The following CR1 variants were observed in gnomAD, a reference collection of about 807,000 sequenced individuals.
The protein encoded by CR1 is complement C3b/C4b receptor 1 (Knops blood group).
Under a neutral mutation model 187.3 loss-of-function variants are expected in CR1, and 116 were observed. The observed-to-expected ratio is 0.62, with a 90% CI of 0.53 to 0.72. The LOEUF (loss-of-function observed/expected upper bound fraction) is 0.72. Ranked by LOEUF, CR1 falls within the 30% of genes least tolerant of loss-of-function variation. CR1 has a pLI of 0.00. For synonymous variants in CR1, 576 were observed against 747.1 expected, an observed-to-expected ratio of 0.77 and a Z score of 3.73; for missense variants, 1,731 against 2,110.7, an observed-to-expected ratio of 0.82 and a Z score of 3.52.
In CR1 at chr1:207,577,957, T is replaced by C. The variant is rs1262658729; in HGVS notation, c.4690T>C (p.Tyr1564His). 2 of 1,611,920 alleles carry C rather than the reference T, an allele frequency of 1.2e-6. No individual in the cohort carries two copies. Among genetic ancestry groups the C allele is most frequent in the East Asian group, 2.2e-5 (1 of 44,884 alleles). Reference protein sequence around the residue: ...VFELVGEPSIYCTSNDDQVGI... With the variant: ...VFELVGEPSIHCTSNDDQVGI... ...TGAGCTTGTGGGTGAGCCCTCCATA[T>C]ACTGCACCAGCAATGACGATCAAGT... The change falls in exon 29 of 47, where the codon TAC becomes CAC. Residue 1564 changes from tyrosine to histidine, a missense_variant. By Grantham distance (83) the Tyr-to-His change is moderately conservative (BLOSUM62 2). Coordinates refer to ENST00000367049, the MANE Select transcript of CR1 (RefSeq NM_000651.6).
chr1:207,585,848 C>T (rs1167158281), intron 33 of CR1, among the ~76,000 whole-genome samples: 2 of 152,044 alleles, frequency 1.3e-5, no homozygotes, highest in African/African-American at 4.8e-5. Context: ...TGAAAATATG[C>T]AGCACATGGC....
intron 35 of CR1, among the ~76,000 whole-genome samples, chr1:207,596,751 A>T (rs1661455855): frequency 6.7e-6 from 1 of 149,064 alleles, no homozygotes. Context: ...TATTGCAAGT[A>T]CGGTACAAAG....
chr1:207,617,483 GTATA>G (rs767996719), intron 41 of CR1, among the ~76,000 whole-genome samples: 1,171 of 41,756 alleles, frequency 0.028, 101 homozygotes, highest in Non-Finnish European at 0.048. Context: ...AGAACTTAAA[GTATA>G]TATATATATA....
chr1:207,589,883 C>T, intron 35 of CR1, among the ~76,000 whole-genome samples: 1 of 152,036 alleles, frequency 6.6e-6, no homozygotes, highest in Non-Finnish European at 1.5e-5. Flanking sequence ...TGAAGATCAA[C>T]TTAATGAAAT....
chr1:207,616,849 G>A (rs1662115364), intron 41 of CR1, 47 bp downstream of exon 41: 1 of 1,591,860 alleles, frequency 6.3e-7, no homozygotes, highest in Admixed American at 1.8e-5. Flanking sequence ...GAATATCTAG[G>A]TAAGAACCTC....
At chr1:207,620,428 A>C (rs1284608112) in intron 43 of CR1, among the ~76,000 whole-genome samples, 1 of 152,172 alleles carries the variant, frequency 6.6e-6, no homozygotes, top group Admixed American at 6.5e-5. Flanking sequence ...ACTGGAGGGG[A>C]CAGGATTTTA....
At chr1:207,601,799 T>A (rs1558259939) in intron 35 of CR1, among the ~76,000 whole-genome samples, 2 of 152,148 alleles carry the variant, frequency 1.3e-5, no homozygotes. Context: ...GAGTCCTTTA[T>A]ATGTTCTAAG....
chr1:207,515,545 C>A (rs751409357), intron 4 of CR1, among the ~76,000 whole-genome samples: 2 of 152,014 alleles, frequency 1.3e-5, no homozygotes, highest in African/African-American at 2.4e-5. Flanking sequence ...TTAAAGGAAT[C>A]AAAAAATAGA....
At chr1:207,575,169 A>G (rs1270292264) in intron 27 of CR1, among the ~76,000 whole-genome samples, 1 of 151,796 alleles carries the variant, frequency 6.6e-6, no homozygotes, top group Non-Finnish European at 1.5e-5. Context: ...GTATTTATAA[A>G]AAACATGTCT....
chr1:207,623,276 T>C (rs1197955444), intron 45 of CR1, among the ~76,000 whole-genome samples: 1 of 16,520 alleles, frequency 6.1e-5, no homozygotes, highest in African/African-American at 3.1e-4. Context: ...AAAATAATAA[T>C]AATAACAAAA....
chr1:207,584,309 A>G (rs2102348695), intron 32 of CR1, among the ~76,000 whole-genome samples: 1 of 152,330 alleles, frequency 6.6e-6, no homozygotes, highest in Non-Finnish European at 1.5e-5. Context: ...ATTCAAAAAC[A>G]TGCTTGTTGA....
intron 46 of CR1, among the ~76,000 whole-genome samples, chr1:207,632,139 A>T (rs891665232): frequency 6.7e-6 from 1 of 149,472 alleles, no homozygotes; most frequent in Non-Finnish European, 1.5e-5. Context: ...CCTGTTTATT[A>T]TCTGTCTTCC....
intron 33 of CR1, among the ~76,000 whole-genome samples, chr1:207,586,226 C>G (rs1661108367): frequency 6.6e-6 from 1 of 151,960 alleles, no homozygotes; most frequent in Non-Finnish European, 1.5e-5. Context: ...CAGCCTTGAC[C>G]TCCCTGGCTC....
chr1:207,575,613 C>T lies in CR1; in HGVS notation c.4470C>T (p.His1490=), dbSNP rs776564592. 1 of 1,611,836 alleles carries T rather than the reference C, an allele frequency of 6.2e-7. No homozygotes were observed. Among genetic ancestry groups the T allele is most frequent in the Non-Finnish European group, 8.5e-7 (1 of 1,179,698 alleles). ...CCTTTAGGCACCGACTCATTGGTCA[C>T]TCATCTGCTGAATGTATCCTCTCAG... ...SCTTGHRLIG[H]SSAECILSGN... is the part of the protein sequence containing the mutation. The change falls in exon 28 of 47, where the codon CAC becomes CAT. Residue 1490 remains histidine (H), a synonymous_variant. Transcript: ENST00000367049.
rs1662200765 is a variant in CR1 at position 207,618,051 on chromosome 1, G to A, written c.6890-20G>A. On this transcript the variant is annotated intron_variant, in intron 41 of 46. Coordinates refer to ENST00000367049, the MANE Select transcript of CR1 (RefSeq NM_000651.6). ...TAACTGAGTGTCTTTTCTTGTGTTT[G>A]TGTGGGAACTTGTTCTTAGCCTGCC... 6.2e-7 allele frequency: 1 copy of A among 1,606,542 alleles called. No homozygotes were observed. Among genetic ancestry groups the A allele is most frequent in the Non-Finnish European group, 8.5e-7 (1 of 1,175,892 alleles).
At chr1:207,599,540 G>A (rs1440610869) in intron 35 of CR1, among the ~76,000 whole-genome samples, 1 of 152,150 alleles carries the variant, frequency 6.6e-6, no homozygotes, top group Non-Finnish European at 1.5e-5. Context: ...TTGCAGTATT[G>A]TTTATATAAG....
intron 4 of CR1, among the ~76,000 whole-genome samples, chr1:207,515,022 C>T (rs1300962884): frequency 8.2e-5 from 12 of 146,332 alleles, no homozygotes; most frequent in African/African-American, 2.8e-4. Context: ...CACACACACA[C>T]ACACATATAT....
At chr1:207,579,758 T>C (rs1660879285) in intron 29 of CR1, among the ~76,000 whole-genome samples, 1 of 152,224 alleles carries the variant, frequency 6.6e-6, no homozygotes, top group Non-Finnish European at 1.5e-5. Context: ...AGCCCTGCTC[T>C]GCAAGAAGCA....
intron 1 of CR1, among the ~76,000 whole-genome samples, chr1:207,500,373 A>G (rs1424805099): frequency 6.6e-6 from 1 of 152,224 alleles, no homozygotes. Context: ...AGCAAGTGCA[A>G]ATCTATTCCT....
Sources: gnomAD v4.1 joint callset for allele counts (sites outside exome capture counted in the v4.1 genomes callset) on GRCh38, gnomAD v4.1.1 for gene constraint, MANE v1.5 for transcripts, NCBI Gene and HGNC (gene_info 2026-07-23, HGNC 2026-07-21) for gene names.